The following PTK2B variants were observed in gnomAD, a reference collection of about 807,000 sequenced individuals.
The protein encoded by PTK2B is protein tyrosine kinase 2 beta, also known as protein-tyrosine kinase 2-beta.
PTK2B carries 71 observed loss-of-function variants against 142.9 expected under a neutral mutation model. The ratio of observed to expected loss-of-function variants is 0.50; its 90% confidence interval spans 0.41 to 0.61. PTK2B has a LOEUF of 0.61. Among genes scored for constraint, PTK2B ranks in the 20% least tolerant of loss-of-function variants. PTK2B has a pLI of 0.00. For missense variants in PTK2B, 1,105 were observed against 1,320.4 expected (o/e 0.84, Z 2.53); for synonymous variants, 519 against 503.4 (o/e 1.03, Z -0.42).
intron 1 of PTK2B, among the ~76,000 whole-genome samples, chr8:27,366,808 G>A (rs1043240456): frequency 2.0e-5 from 3 of 152,142 alleles, no homozygotes; most frequent in Non-Finnish European, 4.4e-5. Flanking sequence ...CTGTGTGGCT[G>A]TGTGTGGAGA....
At chr8:27,454,663 A>T (rs775035564) in intron 30 of PTK2B, 52 bp downstream of exon 30, 2 of 1,579,200 alleles carry the variant, frequency 1.3e-6, no homozygotes, top group Non-Finnish European at 1.7e-6. Flanking sequence ...GCTCCTGCTT[A>T]TGAGCCTCAT....
rs550963844 is a variant in PTK2B at position 27,381,740 on chromosome 8, C to T, written c.-37-15808C>T. 2.6e-5 allele frequency among the ~76,000 whole-genome samples: 4 copies of T among 152,260 alleles called. No homozygotes were observed. In the South Asian group the frequency reaches 8.3e-4, roughly 32 times the overall value. ...TTTTTTGAGGAATCTCCATACGGTT[C>T]CCCGTAATGGTTATACTAATTTACA... On this transcript the variant is annotated intron_variant, in intron 1 of 30. Coordinates refer to ENST00000346049, the MANE Select transcript of PTK2B (RefSeq NM_173176.3).
In PTK2B at chr8:27,387,263, CTCAG is replaced by C. The variant is rs147664970; in HGVS notation, c.-37-10278_-37-10275del. ...AAGAAAGGGGACCCCAGGCAAGCTG[CTCAG>C]TCAGTCGCTTTTCCTCATCCTCAAA... On this transcript the variant is annotated intron_variant, in intron 1 of 30. Transcript: ENST00000346049. 6.8e-3 allele frequency among the ~76,000 whole-genome samples: 1,034 copies of C among 152,272 alleles called. 17 individuals carry two copies. The highest frequency in any genetic ancestry group is 0.023 in the African/African-American group (958 of 41,564).
At chr8:27,393,078 T>G (rs1194823911) in intron 1 of PTK2B, among the ~76,000 whole-genome samples, 1 of 152,208 alleles carries the variant, frequency 6.6e-6, no homozygotes, top group Non-Finnish European at 1.5e-5. Context: ...GGAGAAACTG[T>G]GGGTTTTGAT....
intron 1 of PTK2B, among the ~76,000 whole-genome samples, chr8:27,350,987 AAAAATATATATATAT>A (rs1805026063): frequency 5.8e-5 from 1 of 17,166 alleles, no homozygotes; most frequent in African/African-American, 2.4e-4. Flanking sequence ...AAAAAAAAAA[AAAAATATATATATAT>A]ATATATATAT....
chr8:27,350,975 C>CAA (rs1161040902), intron 1 of PTK2B, among the ~76,000 whole-genome samples: 118 of 2,334 alleles, frequency 0.051, 28 homozygotes, highest in Non-Finnish European at 0.072. Context: ...GTCTCCGTCT[C>CAA]AAAAAAAAAA....
intron 12 of PTK2B, 121 bp from the exon 13 acceptor site, chr8:27,434,392 T>C (rs763800287): frequency 1.0e-5 from 12 of 1,204,098 alleles, no homozygotes; most frequent in Non-Finnish European, 1.3e-5. Context: ...TCCCAGGTCA[T>C]TGCTAATTTG....
chr8:27,345,872 A>G (rs1804681559), intron 1 of PTK2B, among the ~76,000 whole-genome samples: 1 of 152,200 alleles, frequency 6.6e-6, no homozygotes, highest in Non-Finnish European at 1.5e-5. Context: ...CCTGGAGGCC[A>G]CAGTGAGGGG....
At chr8:27,321,872 C>A (rs751651232), upstream of PTK2B, among the ~76,000 whole-genome samples, 1 of 152,146 alleles carries the variant, frequency 6.6e-6, no homozygotes, top group Non-Finnish European at 1.5e-5. Context: ...CCATACTCAA[C>A]TTATTTTGGC....
intron 5 of PTK2B, among the ~76,000 whole-genome samples, chr8:27,427,481 AATGG>A (rs1236800198): frequency 6.6e-6 from 1 of 152,196 alleles, no homozygotes; most frequent in East Asian, 1.9e-4. Flanking sequence ...CAGTTGAATA[AATGG>A]ATAACTGAAA....
chr8:27,449,596 G>T (rs1404138595), intron 24 of PTK2B, among the ~76,000 whole-genome samples: 3 of 152,242 alleles, frequency 2.0e-5, no homozygotes, highest in African/African-American at 4.8e-5. Context: ...TGTCACAGAA[G>T]AATCCTGCCC....
At chr8:27,410,775 G>A (rs1240710167) in intron 2 of PTK2B, among the ~76,000 whole-genome samples, 1 of 152,162 alleles carries the variant, frequency 6.6e-6, no homozygotes, top group Non-Finnish European at 1.5e-5. Context: ...CAAGCCATCC[G>A]GTCCTGTTGC....
At chr8:27,449,113 T>G (rs888027546) in intron 24 of PTK2B, among the ~76,000 whole-genome samples, 6 of 152,154 alleles carry the variant, frequency 3.9e-5, no homozygotes, top group African/African-American at 1.4e-4. Flanking sequence ...GCCCTGGAAA[T>G]AAGGACTTGT....
chr8:27,367,576 T>A (rs1020224616), intron 1 of PTK2B, among the ~76,000 whole-genome samples: 5 of 152,228 alleles, frequency 3.3e-5, no homozygotes, highest in Admixed American at 1.3e-4. Flanking sequence ...AGGGTTTGTA[T>A]CAATTTCTTT....
intron 14 of PTK2B, 27 bp downstream of exon 14, chr8:27,435,820 C>T (rs1198016263): frequency 6.2e-7 from 1 of 1,609,460 alleles, no homozygotes; most frequent in Non-Finnish European, 8.5e-7. Context: ...GCCACAGCGA[C>T]CGTAGTCAAG....
At position 27,458,593 on chromosome 8, in the gene PTK2B, T is replaced by C; in HGVS notation, c.*84T>C. 7.0e-7 allele frequency: 1 copy of C among 1,437,772 alleles called. No homozygotes were observed. The highest frequency in any genetic ancestry group is 2.5e-5 in the East Asian group (1 of 40,296). 89.1% of individuals were successfully genotyped at this position (1,437,772 alleles called of 1,614,324 possible). A position where few individuals can be genotyped will look rare whatever the true frequency, so the allele number is the denominator to read the frequency against. On this transcript the variant is annotated 3_prime_UTR_variant, in exon 31 of 31. Transcript: ENST00000346049. ...GCCTTGCTGTTGGTCATGTGGGTCT[T>C]CCAGGGGGAAGGCCAAGGGGAGTCA... is the stretch of plus-strand genomic sequence containing the variant.
chr8:27,324,249 C>T (rs184978044), upstream of PTK2B, among the ~76,000 whole-genome samples: 4 of 152,326 alleles, frequency 2.6e-5, no homozygotes, highest in South Asian at 4.1e-4. Flanking sequence ...ACCTGCTGAC[C>T]GCTGTGTAGT....
At position 27,437,385 on chromosome 8, in the gene PTK2B, C is replaced by T; in HGVS notation, c.1427-11C>T. ...CGCTCCACCTGTCCCTCTTGCCCCA[C>T]CACACTGCAGTGATCATGAAGAACC... On this transcript the variant is annotated splice_polypyrimidine_tract_variant and intron_variant, in intron 16 of 30. Transcript: ENST00000346049. 6.2e-7 allele frequency: 1 copy of T among 1,605,546 alleles called. No individual in the cohort carries two copies. Among genetic ancestry groups the T allele is most frequent in the Non-Finnish European group, 8.5e-7 (1 of 1,175,502 alleles).
At chr8:27,348,405 C>A (rs1804840087) in intron 1 of PTK2B, among the ~76,000 whole-genome samples, 1 of 152,182 alleles carries the variant, frequency 6.6e-6, no homozygotes, top group Non-Finnish European at 1.5e-5. Context: ...ACAGAACCCC[C>A]TGTTCTTCCC....
Sources: gnomAD v4.1 joint callset for allele counts (sites outside exome capture counted in the v4.1 genomes callset) on GRCh38, gnomAD v4.1.1 for gene constraint, MANE v1.5 for transcripts, NCBI Gene and HGNC (gene_info 2026-07-23, HGNC 2026-07-21) for gene names.